NRBP2: variants seen among roughly 807,000 people sequenced by gnomAD.
The protein encoded by NRBP2 is nuclear receptor binding protein 2, also known as nuclear receptor-binding protein 2.
A neutral mutation model predicts 74.4 loss-of-function variants in NRBP2; 47 were observed. The observed-to-expected ratio is 0.63, with a 90% CI of 0.50 to 0.81. NRBP2 has a LOEUF of 0.81. Ranked by LOEUF, NRBP2 falls within the 30% of genes least tolerant of loss-of-function variation. The pLI, the probability that NRBP2 is intolerant of heterozygous loss-of-function variation, is 0.00. For missense variants in NRBP2, 613 were observed against 690.1 expected (o/e 0.89, Z 1.25); for synonymous variants, 312 against 273.8 (o/e 1.14, Z -1.38).
intron 14 of NRBP2, among the ~76,000 whole-genome samples, chr8:143,836,732 G>C (rs1257968093): frequency 3.3e-5 from 5 of 150,732 alleles, no homozygotes; most frequent in African/African-American, 1.2e-4. Flanking sequence ...GGTGGGGGAA[G>C]ATTGCTGGCA....
In NRBP2 at chr8:143,838,572, C is replaced by T. The variant is rs1433444326; in HGVS notation, c.840+108G>A. 5.0e-6 allele frequency: 4 copies of T among 792,848 alleles called. No homozygotes were observed. In the African/African-American group the frequency reaches 5.1e-5, roughly 10 times the overall value. 49.1% of individuals were successfully genotyped at this position (792,848 alleles called of 1,614,324 possible). On this transcript the variant is annotated intron_variant, in intron 10 of 17. Transcript: ENST00000442628. ...GGAGGGGTGCAGTCAGCTGGTATACCCCTCAACTGCACAAACTGTGATGTT... is the reference window on the plus strand; with the variant it reads ...GGAGGGGTGCAGTCAGCTGGTATACTCCTCAACTGCACAAACTGTGATGTT...
chr8:143,832,674 C>G (rs1017200268), downstream of NRBP2, among the ~76,000 whole-genome samples: 1 of 152,198 alleles, frequency 6.6e-6, no homozygotes, highest in Non-Finnish European at 1.5e-5. Flanking sequence ...TTTACATTGT[C>G]TATGATGCAA....
chr8:143,837,507 G>A lies in NRBP2; in HGVS notation c.976C>T (p.Leu326Phe), dbSNP rs537072680. The A allele has an allele frequency of 1.9e-6, 3 of 1,609,082 alleles. No homozygotes were observed. The highest frequency in any genetic ancestry group is 1.3e-5 in the African/African-American group (1 of 74,984). The change falls in exon 12 of 18, where the codon CTC becomes TTC. Residue 326 changes from leucine (L) to phenylalanine (F), a missense_variant and splice_region_variant. Leu to Phe is a conservative substitution (Grantham distance 22). Around this residue, in one of 2 missense-constraint regions of NRBP2, gnomAD observed 281 missense variants for 260.9 expected, o/e 1.08. Transcript: ENST00000442628. The surrounding 1 kb of genome is among the most constrained non-coding windows in gnomAD (Gnocchi z 4.3). ...TCCTCCACCACATTCTCAGGCATGA[G>A]GTCTGCGGCCACAAGAGCATCAAGG... is the stretch of plus-strand genomic sequence containing the variant. ...AAHCFIQHQY[L>F]MPENVVEEKT...
chr8:143,838,047 C>T (rs1818507778), intron 10 of NRBP2: 1 of 656,200 alleles, frequency 1.5e-6, no homozygotes, highest in African/African-American at 1.8e-5. Context: ...AGCCTCCTAC[C>T]CATGGCCTTT....
chr8:143,839,687 G>A lies in NRBP2; in HGVS notation c.444+49C>T. On this transcript the variant is annotated intron_variant, in intron 4 of 17. Transcript: ENST00000442628. This position sits in a 1 kb window ranked among gnomAD's most constrained non-coding sequence, Gnocchi z 5.1. Reference sequence around the variant, plus strand: ...CCTCACCATCCCAGTCCCCGAGGCTGCCCCAACCCCGTCCTGTCCCCGTGG... The same window carrying A: ...CCTCACCATCCCAGTCCCCGAGGCTACCCCAACCCCGTCCTGTCCCCGTGG... 4.6e-6 allele frequency: 7 copies of A among 1,532,938 alleles called. No homozygotes were observed. The highest frequency in any genetic ancestry group is 1.7e-4 in the Middle Eastern group (1 of 5,944). The allele number at this position is 1,532,938 out of a possible 1,614,324, so 95.0% of individuals were successfully genotyped here.
Position 143,839,966 on chromosome 8 carries a change from T to C in NRBP2, c.317A>G (p.His106Arg). The change falls in exon 3 of 18, where the codon CAC becomes CGC. Residue 106 changes from histidine to arginine, a missense_variant. Coordinates refer to ENST00000442628, the MANE Select transcript of NRBP2 (RefSeq NM_178564.4). This position sits in a 1 kb window ranked among gnomAD's most constrained non-coding sequence, Gnocchi z 5.1. ...LVDHPNIVKL[H>R]KYWLDTSEAC... ...CTCAGAGGTATCCAGCCAGTACTTGTGCAACTTCACGATGTTCGGGTGGTC... is the reference window on the plus strand; with the variant it reads ...CTCAGAGGTATCCAGCCAGTACTTGCGCAACTTCACGATGTTCGGGTGGTC... 4 of 1,536,156 alleles carry C rather than the reference T, an allele frequency of 2.6e-6. No homozygotes were observed. Among genetic ancestry groups the C allele is most frequent in the Non-Finnish European group, 3.5e-6 (4 of 1,146,910 alleles).
chr8:143,839,853 C>T lies in NRBP2; in HGVS notation c.355-28G>A. 1.3e-6 allele frequency: 2 copies of T among 1,535,824 alleles called. No homozygotes were observed. Among genetic ancestry groups the T allele is most frequent in the Non-Finnish European group, 1.7e-6 (2 of 1,146,628 alleles). Reference sequence around the variant, plus strand: ...GCACGGTGCGAGCTCAGGATTTCCACCAGCTGCGGGTTCGTCCCCATGCCC... The same window carrying T: ...GCACGGTGCGAGCTCAGGATTTCCATCAGCTGCGGGTTCGTCCCCATGCCC... On this transcript the variant is annotated intron_variant, in intron 3 of 17. Coordinates refer to ENST00000442628, the MANE Select transcript of NRBP2 (RefSeq NM_178564.4). The surrounding 1 kb of genome is among the most constrained non-coding windows in gnomAD (Gnocchi z 5.1).
At chr8:143,838,632 A>G (rs782719891) in intron 10 of NRBP2, 48 bp downstream of exon 10, 2 of 1,416,172 alleles carry the variant, frequency 1.4e-6, no homozygotes, top group African/African-American at 1.4e-5. Context: ...TGCTAGCCCT[A>G]GCTGAGCACG....
At chr8:143,830,755 C>T (rs532863334), downstream of NRBP2, among the ~76,000 whole-genome samples, 23 of 152,112 alleles carry the variant, frequency 1.5e-4, no homozygotes, top group Admixed American at 6.5e-5. Context: ...AGAAAAGGGA[C>T]TCAGAAGAAA....
rs1486634229 is a variant in NRBP2, at chr8:143,840,277, G to C, written c.130-48C>G. The C allele has an allele frequency of 1.3e-6, 2 of 1,532,592 alleles. No individual in the cohort carries two copies. Among genetic ancestry groups the C allele is most frequent in the Non-Finnish European group, 1.7e-6 (2 of 1,144,818 alleles). 94.9% of individuals were successfully genotyped at this position (1,532,592 alleles called of 1,614,324 possible). A position where few individuals can be genotyped will look rare whatever the true frequency, so the allele number is the denominator to read the frequency against. ...GTGTGCCCTGGTGTGTGTCAGGGTT[G>C]TGGGTGAGGATTTGGTCCCTGTCCA... On this transcript the variant is annotated intron_variant, in intron 1 of 17. Transcript: ENST00000442628. The surrounding 1 kb of genome is among the most constrained non-coding windows in gnomAD (Gnocchi z 5.7).
In NRBP2 at chr8:143,837,394, G is replaced by T; in HGVS notation, c.1076+13C>A. The stretch of plus-strand genomic sequence containing the variant: ...GTGTGGGGAGGGGAGGCTTCTGGGT[G>T]CTGACTGCTCACCGCCACTGCAGCG... On this transcript the variant is annotated intron_variant, in intron 12 of 17. Coordinates refer to ENST00000442628, the MANE Select transcript of NRBP2 (RefSeq NM_178564.4). This position sits in a 1 kb window ranked among gnomAD's most constrained non-coding sequence, Gnocchi z 4.3. The T allele has an allele frequency of 1.3e-6, 2 of 1,580,430 alleles. No individual in the cohort carries two copies. Among genetic ancestry groups the T allele is most frequent in the East Asian group, 2.3e-5 (1 of 43,822 alleles).
At position 143,839,725 on chromosome 8, in the gene NRBP2, G is replaced by T; in HGVS notation, c.444+11C>A. Reference sequence around the variant, plus strand: ...CCTGTCCCCGTGGCTGCCCCAGCCCGCTCCCCATACCCGGGCGTTCATGGC... The same window carrying T: ...CCTGTCCCCGTGGCTGCCCCAGCCCTCTCCCCATACCCGGGCGTTCATGGC... On this transcript the variant is annotated intron_variant, in intron 4 of 17. Transcript: ENST00000442628. The surrounding 1 kb of genome is among the most constrained non-coding windows in gnomAD (Gnocchi z 5.1). 6.5e-7 allele frequency: 1 copy of T among 1,535,496 alleles called. No individual in the cohort carries two copies. Among genetic ancestry groups the T allele is most frequent in the Non-Finnish European group, 8.7e-7 (1 of 1,146,452 alleles).
chr8:143,832,403 CCCGT>C (rs2130504491), downstream of NRBP2, among the ~76,000 whole-genome samples: 1 of 152,092 alleles, frequency 6.6e-6, no homozygotes, highest in South Asian at 2.1e-4. Flanking sequence ...CAGCCCGACA[CCCGT>C]AAAGGGTCTG....
At chr8:143,831,786 A>G (rs1301742542), downstream of NRBP2, among the ~76,000 whole-genome samples, 1 of 152,262 alleles carries the variant, frequency 6.6e-6, no homozygotes, top group Non-Finnish European at 1.5e-5. Context: ...AAGACACATC[A>G]TTGAGAATTA....
In NRBP2 at chr8:143,835,790, C is replaced by T. The variant is rs76230080; in HGVS notation, c.1437+30G>A. 2,853 of 1,599,950 alleles carry T rather than the reference C, an allele frequency of 1.8e-3. 43 individuals carry two copies. In the African/African-American group the frequency reaches 0.032, roughly 18 times the overall value. ...CGCGGCCTGCCCCGTGCGCCCCCTC[C>T]GCCAGGCCGCGCCGCACCGCCCAGC... On this transcript the variant is annotated intron_variant, in intron 17 of 17. Transcript: ENST00000442628. This position sits in a 1 kb window ranked among gnomAD's most constrained non-coding sequence, Gnocchi z 4.9.
Position 143,839,078 on chromosome 8 carries a change from G to A in NRBP2, c.627C>T (p.Ser209=). Residue 209 remains serine, a synonymous_variant, in exon 8 of 18, where the codon AGC becomes AGT. Transcript: ENST00000442628. This position sits in a 1 kb window ranked among gnomAD's most constrained non-coding sequence, Gnocchi z 5.1. ...FSNALPDDLR[S]PIRAEREELR... ...GTTCCTCTCGCTCAGCGCGGATGGG[G>A]CTTCGGAGATCATCTGGAAGTGCTG... 1 of 1,529,194 alleles carries A rather than the reference G, an allele frequency of 6.5e-7. No individual in the cohort carries two copies. Among genetic ancestry groups the A allele is most frequent in the Non-Finnish European group, 8.8e-7 (1 of 1,141,442 alleles). The allele number at this position is 1,529,194 out of a possible 1,614,324, so 94.7% of individuals were successfully genotyped here.
chr8:143,838,834 GCA>G lies in NRBP2; in HGVS notation c.744+47_744+48del, dbSNP rs781874522. The G allele has an allele frequency of 5.6e-6, 9 of 1,611,830 alleles. No homozygotes were observed. The African/African-American group carries it at 1.2e-4, about 21-fold the overall frequency. On this transcript the variant is annotated intron_variant, in intron 9 of 17. Coordinates refer to ENST00000442628, the MANE Select transcript of NRBP2 (RefSeq NM_178564.4). ...GGACCACACAGGTGAGCCAGGCAGG[GCA>G]CAGTTAGGAGGAGGGCAGAGCACAA...
rs978395835 is a variant in NRBP2, at chr8:143,840,608, C to A, written c.129+98G>T. 1 of 1,195,570 alleles carries A rather than the reference C, an allele frequency of 8.4e-7. No homozygotes were observed. The highest frequency in any genetic ancestry group is 3.4e-5 in the Admixed American group (1 of 29,496). The allele number at this position is 1,195,570 out of a possible 1,614,324, so 74.1% of individuals were successfully genotyped here. On this transcript the variant is annotated intron_variant, in intron 1 of 17. Coordinates refer to ENST00000442628, the MANE Select transcript of NRBP2 (RefSeq NM_178564.4). This position sits in a 1 kb window ranked among gnomAD's most constrained non-coding sequence, Gnocchi z 5.7. Reference sequence around the variant, plus strand: ...GAGGGGCCGCGGAGAGGTTTCCAGCCGCCGCGCTCTCCCAGCGCCCCCACG... The same window carrying A: ...GAGGGGCCGCGGAGAGGTTTCCAGCAGCCGCGCTCTCCCAGCGCCCCCACG...
In NRBP2 at chr8:143,840,874, C is replaced by T; in HGVS notation, c.-40G>A. The T allele has an allele frequency of 5.4e-6, 7 of 1,287,882 alleles. No individual in the cohort carries two copies. The highest frequency in any genetic ancestry group is 6.8e-6 in the Non-Finnish European group (7 of 1,025,058). The allele number at this position is 1,287,882 out of a possible 1,614,324, so 79.8% of individuals were successfully genotyped here. ...AGGCCACCGCCCTCTGCGCGATCCG[C>T]CGCCGGCGCAGCCTCTCCCGGCCCG... On this transcript the variant is annotated 5_prime_UTR_variant, in exon 1 of 18. Transcript: ENST00000442628. The surrounding 1 kb of genome is among the most constrained non-coding windows in gnomAD (Gnocchi z 5.7).
Sources: allele counts gnomAD v4.1 joint callset (sites outside exome capture counted in the v4.1 genomes callset), GRCh38; gene constraint gnomAD v4.1.1; regional missense constraint gnomAD v4.1.1; non-coding constraint Gnocchi (gnomAD v3.1); transcripts MANE v1.5; gene names NCBI Gene and HGNC (gene_info 2026-07-23, HGNC 2026-07-21).